Variants in CACNG5 observed in about 807,000 individuals in gnomAD.
CACNG5 encodes calcium voltage-gated channel auxiliary subunit gamma 5, also known as voltage-dependent calcium channel gamma-5 subunit.
CACNG5 carries 18 observed loss-of-function variants against 24.8 expected under a neutral mutation model. That is an observed-to-expected ratio of 0.73 (90% confidence interval 0.50 to 1.08). The LOEUF (loss-of-function observed/expected upper bound fraction) is 1.08, where lower values mean the gene tolerates loss of function less well. Among genes scored for constraint, CACNG5 ranks in the 50% least tolerant of loss-of-function variants. The pLI is 0.00. For synonymous variants in CACNG5, 157 were observed against 149.1 expected, an observed-to-expected ratio of 1.05 and a Z score of -0.39; for missense variants, 349 against 367.9, an observed-to-expected ratio of 0.95 and a Z score of 0.42.
At chr17:66,876,901 T>C (rs1022964129) in intron 1 of CACNG5, among the ~76,000 whole-genome samples, 1 of 152,180 alleles carries the variant, frequency 6.6e-6, no homozygotes, top group African/African-American at 2.4e-5. Flanking sequence ...CCTTTGTTCT[T>C]CTAGATGGGA....
rs1977377082 is a variant in CACNG5 at position 66,893,919 on chromosome 17, T to C, written c.*8679T>C. ...GAAGTGTCACCTTGTTGTGTTAAAT[T>C]AAGTCTGTCTGAGCCCCTATTCACC... is the stretch of plus-strand genomic sequence containing the variant. On this transcript the variant is annotated 3_prime_UTR_variant, in exon 6 of 6. Transcript: ENST00000533854. Among the ~76,000 whole-genome samples, 1 of 152,148 alleles carries C rather than the reference T, an allele frequency of 6.6e-6. No homozygotes were observed. Among genetic ancestry groups the C allele is most frequent in the Non-Finnish European group, 1.5e-5 (1 of 68,026 alleles).
intron 5 of CACNG5, 65 bp from the exon 6 acceptor site, chr17:66,884,918 C>T (rs949715062): frequency 1.2e-6 from 2 of 1,613,808 alleles, no homozygotes; most frequent in African/African-American, 2.7e-5. Context: ...CTGTGCAGAC[C>T]CCAGCCAAGG....
intron 1 of CACNG5, among the ~76,000 whole-genome samples, chr17:66,864,160 G>T (rs575869503): frequency 6.6e-6 from 1 of 152,282 alleles, no homozygotes; most frequent in South Asian, 2.1e-4. Flanking sequence ...GATAGGAGAA[G>T]GTTGCCTATA....
At chr17:66,861,547 A>C (rs1230850342) in intron 1 of CACNG5, among the ~76,000 whole-genome samples, 1 of 152,222 alleles carries the variant, frequency 6.6e-6, no homozygotes, top group East Asian at 1.9e-4. Flanking sequence ...GTGCAGATAT[A>C]CATGGGTGAG....
chr17:66,863,773 G>A (rs1976895016), intron 1 of CACNG5, among the ~76,000 whole-genome samples: 2 of 152,254 alleles, frequency 1.3e-5, no homozygotes, highest in South Asian at 2.1e-4. Flanking sequence ...TGAAGAATCT[G>A]TTTAGTAATT....
At chr17:66,863,858 A>T (rs139956468) in intron 1 of CACNG5, among the ~76,000 whole-genome samples, 1 of 152,196 alleles carries the variant, frequency 6.6e-6, no homozygotes, top group Non-Finnish European at 1.5e-5. Context: ...GTTGCCTTCA[A>T]TGTTGAGGGA....
chr17:66,872,438 G>A (rs9890883), intron 1 of CACNG5, among the ~76,000 whole-genome samples: 2,052 of 152,184 alleles, frequency 0.013, 43 homozygotes, highest in African/African-American at 0.046. Flanking sequence ...GAAGACACTG[G>A]GTGAGAGAAT....
chr17:66,881,380 C>T (rs1977155878), intron 4 of CACNG5, among the ~76,000 whole-genome samples: 1 of 152,122 alleles, frequency 6.6e-6, no homozygotes, highest in African/African-American at 2.4e-5. Flanking sequence ...ACACAATCTG[C>T]CTTTGGAATA....
chr17:66,877,228 A>C lies in CACNG5; in HGVS notation c.-103-2A>C. 1 of 912,264 alleles carries C rather than the reference A, an allele frequency of 1.1e-6. No individual in the cohort carries two copies. Among genetic ancestry groups the C allele is most frequent in the Non-Finnish European group, 1.7e-6 (1 of 595,946 alleles). The allele number at this position is 912,264 out of a possible 1,614,324, so 56.5% of individuals were successfully genotyped here. On this transcript the variant is annotated splice_acceptor_variant, in intron 1 of 5. Transcript: ENST00000533854. LOFTEE classifies it low-confidence loss of function (5UTR_SPLICE). ...ACTGGCTCCTCATCTTCGTCTTCTCAGAGCCGTGGGTACTGCCACCTGCTC... is the reference window on the plus strand; with the variant it reads ...ACTGGCTCCTCATCTTCGTCTTCTCCGAGCCGTGGGTACTGCCACCTGCTC...
At chr17:66,858,689 C>A (rs1976815402) in intron 1 of CACNG5, among the ~76,000 whole-genome samples, 1 of 150,072 alleles carries the variant, frequency 6.7e-6, no homozygotes, top group Non-Finnish European at 1.5e-5. Flanking sequence ...CTCCCTCCCC[C>A]CACCTTCTCA....
At chr17:66,841,144 A>G (rs1280538061) in intron 1 of CACNG5, among the ~76,000 whole-genome samples, 1 of 152,162 alleles carries the variant, frequency 6.6e-6, no homozygotes, top group Non-Finnish European at 1.5e-5. Flanking sequence ...GAGACATGAG[A>G]CACCAATCAA....
intron 4 of CACNG5, among the ~76,000 whole-genome samples, chr17:66,882,838 A>C (rs1433821794): frequency 6.6e-6 from 1 of 152,102 alleles, no homozygotes; most frequent in East Asian, 1.9e-4. Flanking sequence ...CTCCTGAGTA[A>C]TTTTAGGATC....
At chr17:66,839,824 G>C (rs1472644478) in intron 1 of CACNG5, among the ~76,000 whole-genome samples, 14 of 152,168 alleles carry the variant, frequency 9.2e-5, no homozygotes, top group Admixed American at 7.9e-4. Flanking sequence ...CCGCTCCAGG[G>C]CTGTTCCGCG....
At chr17:66,861,120 T>C (rs1976851078) in intron 1 of CACNG5, among the ~76,000 whole-genome samples, 1 of 152,184 alleles carries the variant, frequency 6.6e-6, no homozygotes, top group South Asian at 2.1e-4. Context: ...ACAATTGAAT[T>C]GTTGGGCTTA....
chr17:66,884,861 C>T (rs761181718), intron 5 of CACNG5, 122 bp from the exon 6 acceptor site: 4 of 1,613,244 alleles, frequency 2.5e-6, no homozygotes, highest in Non-Finnish European at 3.4e-6. Context: ...TCCCCAGGAC[C>T]CTGCTCCTGT....
chr17:66,880,387 G>A (rs371981584), intron 3 of CACNG5, among the ~76,000 whole-genome samples, 170 bp from the exon 4 acceptor site: 2 of 152,204 alleles, frequency 1.3e-5, no homozygotes, highest in African/African-American at 4.8e-5. Context: ...AGCCCTGCTA[G>A]TAATGGGAGA....
intron 1 of CACNG5, among the ~76,000 whole-genome samples, chr17:66,866,538 C>A (rs1976932980): frequency 6.6e-6 from 1 of 152,042 alleles, no homozygotes; most frequent in Non-Finnish European, 1.5e-5. Flanking sequence ...TGGTGGTTTG[C>A]CACACCTATC....
intron 1 of CACNG5, among the ~76,000 whole-genome samples, chr17:66,846,034 G>A (rs1976635014): frequency 6.6e-6 from 1 of 152,314 alleles, no homozygotes; most frequent in Non-Finnish European, 1.5e-5. Context: ...GTAGCTGAGA[G>A]AGGCTGGTGT....
At chr17:66,862,892 C>CTG (rs56308917) in intron 1 of CACNG5, among the ~76,000 whole-genome samples, 10,559 of 141,760 alleles carry the variant, frequency 0.074, 448 homozygotes, top group Non-Finnish European at 0.092. Context: ...AGCATATTCT[C>CTG]TGTGTGTGTG....
Sources: allele counts gnomAD v4.1 joint callset (sites outside exome capture counted in the v4.1 genomes callset), GRCh38; gene constraint gnomAD v4.1.1; transcripts MANE v1.5; gene names NCBI Gene and HGNC (gene_info 2026-07-23, HGNC 2026-07-21).